PTGER3: variants seen among roughly 807,000 people sequenced by gnomAD.
PTGER3 encodes the protein prostaglandin E receptor 3, also known as prostaglandin E2 receptor EP3 subtype.
In PTGER3, 22 loss-of-function variants were observed where a neutral mutation model predicts 34.7. The ratio of observed to expected loss-of-function variants is 0.63; its 90% CI spans 0.45 to 0.91. The LOEUF (loss-of-function observed/expected upper bound fraction) is 0.91. PTGER3 is among the 40% of genes least tolerant of loss of function. The probability of loss-of-function intolerance (pLI) is 0.00; values close to 1 mark genes in which losing one functional copy is unlikely to be tolerated. For synonymous variants in PTGER3, 241 were observed against 230.1 expected, an observed-to-expected ratio of 1.05 and a Z score of -0.43; for missense variants, 468 against 519.4, an observed-to-expected ratio of 0.90 and a Z score of 0.96.
intron 4 of PTGER3, among the ~76,000 whole-genome samples, chr1:70,885,181 C>G (rs1646470853): frequency 6.6e-6 from 1 of 151,814 alleles, no homozygotes; most frequent in South Asian, 2.1e-4. Flanking sequence ...CCACTTCATT[C>G]TGAGAGCATT....
At chr1:71,011,365 A>C in intron 2 of PTGER3, 4 of 985,244 alleles carry the variant, frequency 4.1e-6, no homozygotes, top group Non-Finnish European at 4.8e-6. Context: ...TTAAAGAGTC[A>C]AAGACTGGGG....
intron 4 of PTGER3, among the ~76,000 whole-genome samples, chr1:70,853,223 G>T (rs1008647961): frequency 1.3e-5 from 2 of 152,296 alleles, no homozygotes; most frequent in Admixed American, 6.5e-5. Context: ...TTAAAAAACT[G>T]CTTGCAGACA....
intron 4 of PTGER3, among the ~76,000 whole-genome samples, chr1:70,872,106 G>A (rs1307789673): frequency 6.6e-6 from 1 of 152,170 alleles, no homozygotes; most frequent in Non-Finnish European, 1.5e-5. Flanking sequence ...AAAAGCCATT[G>A]ACATATTAAA....
chr1:70,985,041 C>A (rs1000453109), intron 2 of PTGER3, among the ~76,000 whole-genome samples: 9 of 152,146 alleles, frequency 5.9e-5, no homozygotes, highest in African/African-American at 2.2e-4. Flanking sequence ...CCAACTTCAG[C>A]AGCAGGAGGA....
chr1:70,886,451 A>G, intron 4 of PTGER3: 1 of 248,930 alleles, frequency 4.0e-6, no homozygotes. Flanking sequence ...AAGAGACTGA[A>G]ATCATCAGAC....
intron 4 of PTGER3, among the ~76,000 whole-genome samples, chr1:70,863,709 A>G (rs1645979564): frequency 6.6e-6 from 1 of 152,014 alleles, no homozygotes; most frequent in Non-Finnish European, 1.5e-5. Context: ...TTTTTTGTGA[A>G]ACAAGCATGG....
rs568780623 is a variant in PTGER3, at chr1:71,007,172, A to G, written c.1077+5133T>C. 2.6e-5 allele frequency: 26 copies of G among 985,810 alleles called. No homozygotes were observed. The South Asian group carries it at 1.1e-3, about 41-fold the overall frequency. 61.1% of individuals were successfully genotyped at this position (985,810 alleles called of 1,614,324 possible). On this transcript the variant is annotated intron_variant, in intron 2 of 3. Transcript: ENST00000306666. ...GAAGAACACTATGCTTTTGATACTGATCTTTACAATATGGATTAAAGTGCC... is the reference window on the plus strand; with the variant it reads ...GAAGAACACTATGCTTTTGATACTGGTCTTTACAATATGGATTAAAGTGCC...
At chr1:70,903,882 T>A (rs1433808410) in intron 4 of PTGER3, among the ~76,000 whole-genome samples, 1 of 152,194 alleles carries the variant, frequency 6.6e-6, no homozygotes, top group Non-Finnish European at 1.5e-5. Context: ...TTCTGTAAAA[T>A]GAGCATAAAA....
chr1:70,925,717 G>T (rs7537741), intron 4 of PTGER3, among the ~76,000 whole-genome samples: 55,408 of 151,864 alleles, frequency 0.36, 10,311 homozygotes, highest in Middle Eastern at 0.5. Flanking sequence ...AATAAGGAAA[G>T]TATAACAAAT....
intron 2 of PTGER3, among the ~76,000 whole-genome samples, chr1:70,961,927 A>G (rs1000291599): frequency 1.3e-5 from 2 of 152,188 alleles, no homozygotes; most frequent in African/African-American, 4.8e-5. Context: ...AATTCCAGCC[A>G]CAAACTCAAA....
At chr1:70,949,150 C>T (rs1314328425), downstream of PTGER3, among the ~76,000 whole-genome samples, 5 of 151,850 alleles carry the variant, frequency 3.3e-5, no homozygotes, top group East Asian at 1.9e-4. Flanking sequence ...GATAAATATA[C>T]GAAAGATTTG....
intron 2 of PTGER3, among the ~76,000 whole-genome samples, chr1:71,004,602 C>A (rs1358266946): frequency 6.6e-6 from 1 of 152,134 alleles, no homozygotes; most frequent in Non-Finnish European, 1.5e-5. Flanking sequence ...GAAATGTGTA[C>A]TTAAAGATGT....
chr1:71,024,896 T>G (rs1658768641), intron 1 of PTGER3, among the ~76,000 whole-genome samples: 1 of 149,230 alleles, frequency 6.7e-6, no homozygotes, highest in Non-Finnish European at 1.5e-5. Flanking sequence ...TTTATTTATT[T>G]ATTTATTTAT....
chr1:70,923,933 G>A (rs767298631), intron 4 of PTGER3, among the ~76,000 whole-genome samples: 4 of 152,140 alleles, frequency 2.6e-5, no homozygotes, highest in Non-Finnish European at 5.9e-5. Context: ...TTACCTGAAT[G>A]GCATGCTTTT....
intron 4 of PTGER3, among the ~76,000 whole-genome samples, chr1:70,943,165 C>T (rs1221258334): frequency 6.6e-6 from 1 of 152,174 alleles, no homozygotes; most frequent in African/African-American, 2.4e-5. Flanking sequence ...GTGACTCTGT[C>T]TACAAATCTG....
intron 2 of PTGER3, among the ~76,000 whole-genome samples, chr1:70,961,598 T>C (rs1057289424): frequency 2.6e-5 from 4 of 152,228 alleles, no homozygotes; most frequent in Non-Finnish European, 4.4e-5. Flanking sequence ...TTTCTTATCA[T>C]ACAACATGCA....
intron 2 of PTGER3, among the ~76,000 whole-genome samples, chr1:70,999,892 A>G (rs1390500981): frequency 6.6e-6 from 1 of 152,240 alleles, no homozygotes; most frequent in Non-Finnish European, 1.5e-5. Context: ...TAGTTTCTCC[A>G]CTGCAGAAGT....
intron 2 of PTGER3, among the ~76,000 whole-genome samples, chr1:70,991,343 C>A (rs1157465867): frequency 1.3e-5 from 2 of 152,178 alleles, no homozygotes; most frequent in Non-Finnish European, 2.9e-5. Flanking sequence ...ACTGGTGAGA[C>A]ATTTCCTCTC....
chr1:71,016,170 C>A (rs1292361975), intron 1 of PTGER3, among the ~76,000 whole-genome samples: 3 of 152,170 alleles, frequency 2.0e-5, no homozygotes, highest in Non-Finnish European at 2.9e-5. Flanking sequence ...TGGCTTCAAG[C>A]AATCCTCTTG....
Sources: gnomAD v4.1 joint callset for allele counts (sites outside exome capture counted in the v4.1 genomes callset) on GRCh38, gnomAD v4.1.1 for gene constraint, MANE v1.5 for transcripts, NCBI Gene and HGNC (gene_info 2026-07-23, HGNC 2026-07-21) for gene names.